The following CSMD1 variants were observed in gnomAD, a reference collection of about 807,000 sequenced individuals.
The protein encoded by CSMD1 is CUB and Sushi multiple domains 1, also known as CUB and sushi domain-containing protein 1.
In CSMD1, 213 loss-of-function variants were observed where a neutral mutation model predicts 417.5. That is an observed-to-expected ratio of 0.51 (90% CI 0.46 to 0.57). The LOEUF is 0.57. Ranked by LOEUF, CSMD1 falls within the 20% of genes least tolerant of loss-of-function variation. The probability of loss-of-function intolerance (pLI) is 0.00; values close to 1 mark genes in which losing one functional copy is unlikely to be tolerated. For synonymous variants in CSMD1, 2,862 were observed against 1,736.8 expected (o/e 1.65, Z -16.11); for missense variants, 6,923 against 4,529.7 (o/e 1.53, Z -15.17).
chr8:4,391,721 C>A (rs575011100), intron 3 of CSMD1, among the ~76,000 whole-genome samples: 1 of 152,262 alleles, frequency 6.6e-6, no homozygotes, highest in East Asian at 1.9e-4. Context: ...TGAAAAACCT[C>A]CAAGTGCAAT....
At chr8:3,594,999 C>G (rs1030363922) in intron 8 of CSMD1, among the ~76,000 whole-genome samples, 1 of 152,210 alleles carries the variant, frequency 6.6e-6, no homozygotes, top group Non-Finnish European at 1.5e-5. Context: ...AAAAACACAA[C>G]CCGGCCTCTG....
intron 25 of CSMD1, among the ~76,000 whole-genome samples, chr8:3,303,786 A>G (rs1804597117): frequency 6.6e-6 from 1 of 152,202 alleles, no homozygotes; most frequent in Non-Finnish European, 1.5e-5. Flanking sequence ...GAGAAATATT[A>G]CCAAATAACT....
At position 4,854,884 on chromosome 8, in the gene CSMD1, A is replaced by T. The variant is rs950375610; in HGVS notation, c.85+139448T>A. On this transcript the variant is annotated intron_variant, in intron 1 of 69. Coordinates refer to ENST00000635120, the MANE Select transcript of CSMD1 (RefSeq NM_033225.6). ...GCTTGCTTAGGTAAACAAAGCAGCC[A>T]GGAAGCTCGAACTGGGTGGAGCCCA... Among the ~76,000 whole-genome samples the T allele has an allele frequency of 3.9e-5, 6 of 152,238 alleles. No individual in the cohort carries two copies. The East Asian group carries it at 5.8e-4, about 15-fold the overall frequency.
intron 2 of CSMD1, among the ~76,000 whole-genome samples, chr8:4,467,674 A>C: frequency 6.6e-6 from 1 of 152,200 alleles, no homozygotes; most frequent in East Asian, 1.9e-4. Context: ...GAACCAAATC[A>C]AGGTGCAAAT....
chr8:4,391,547 G>A (rs1272039236), intron 3 of CSMD1, among the ~76,000 whole-genome samples: 1 of 152,078 alleles, frequency 6.6e-6, no homozygotes, highest in Non-Finnish European at 1.5e-5. Context: ...AACCAGCTCA[G>A]AGTAGGTAAG....
At chr8:3,140,349 G>C (rs73183545) in intron 41 of CSMD1, among the ~76,000 whole-genome samples, 190 of 150,048 alleles carry the variant, frequency 1.3e-3, no homozygotes, top group Middle Eastern at 3.4e-3. Context: ...CTCTCTCTCT[G>C]TCTCTCTCTC....
At chr8:3,648,003 G>C (rs1241042828) in intron 7 of CSMD1, among the ~76,000 whole-genome samples, 1 of 152,230 alleles carries the variant, frequency 6.6e-6, no homozygotes, top group Non-Finnish European at 1.5e-5. Flanking sequence ...AGGCAGAACA[G>C]ATTCTTATTT....
intron 1 of CSMD1, among the ~76,000 whole-genome samples, chr8:4,779,574 G>C (rs915182249): frequency 5.9e-5 from 9 of 152,198 alleles, no homozygotes; most frequent in Admixed American, 1.3e-4. Flanking sequence ...CGGATATCAT[G>C]TTTAGCTCAA....
intron 5 of CSMD1, among the ~76,000 whole-genome samples, chr8:3,754,420 G>T (rs1797538695): frequency 1.4e-5 from 2 of 141,942 alleles, no homozygotes; most frequent in African/African-American, 5.1e-5. Flanking sequence ...ACAATTTGAA[G>T]ACTTAGTAAT....
chr8:4,710,374 T>C (rs939076783), intron 1 of CSMD1, among the ~76,000 whole-genome samples: 12 of 148,568 alleles, frequency 8.1e-5, no homozygotes, highest in African/African-American at 2.9e-4. Context: ...AATAAACATA[T>C]GAAGTAAATA....
intron 11 of CSMD1, among the ~76,000 whole-genome samples, chr8:3,490,963 G>A (rs1200889774): frequency 6.6e-6 from 1 of 152,122 alleles, no homozygotes; most frequent in East Asian, 1.9e-4. Context: ...TTCCACTGAG[G>A]TTTATATAAA....
At chr8:4,975,845 A>C (rs147326738) in intron 1 of CSMD1, among the ~76,000 whole-genome samples, 50 of 152,284 alleles carry the variant, frequency 3.3e-4, no homozygotes, top group Non-Finnish European at 4.7e-4. Context: ...CCCAGCAGAT[A>C]CTACTTATGA....
In CSMD1 at chr8:4,380,047, A is replaced by G. The variant is rs1803002216; in HGVS notation, c.415+39906T>C. Among the ~76,000 whole-genome samples, 3 of 152,242 alleles carry G rather than the reference A, an allele frequency of 2.0e-5. No homozygotes were observed. In the South Asian group the frequency reaches 6.2e-4, roughly 31 times the overall value. On this transcript the variant is annotated intron_variant, in intron 3 of 69. Transcript: ENST00000635120. The stretch of plus-strand genomic sequence containing the variant: ...GGGTAGCCCAAGGTATAAATTAAAT[A>G]TCCATCAATCCATATGAAGATAAAT...
chr8:3,995,810 G>A (rs946813407), intron 5 of CSMD1, among the ~76,000 whole-genome samples: 5 of 152,176 alleles, frequency 3.3e-5, no homozygotes, highest in African/African-American at 1.2e-4. Flanking sequence ...GCTATTTGAA[G>A]AGAGCAGCTA....
intron 1 of CSMD1, among the ~76,000 whole-genome samples, chr8:4,775,944 G>C (rs1322268771): frequency 6.6e-6 from 1 of 152,252 alleles, no homozygotes; most frequent in Non-Finnish European, 1.5e-5. Flanking sequence ...AGTCAAGGCA[G>C]TTGGAGTCCA....
chr8:4,761,850 T>G (rs932054136), intron 1 of CSMD1, among the ~76,000 whole-genome samples: 1 of 68,460 alleles, frequency 1.5e-5, no homozygotes, highest in African/African-American at 4.9e-5. Context: ...TATCTATCTA[T>G]CTATCTATCT....
chr8:3,027,139 T>C (rs189337144), intron 51 of CSMD1, among the ~76,000 whole-genome samples: 76 of 152,176 alleles, frequency 5.0e-4, no homozygotes, highest in African/African-American at 1.8e-3. Flanking sequence ...AAAATATATA[T>C]AGTAGATATA....
At chr8:4,204,668 A>C (rs1799872772) in intron 3 of CSMD1, among the ~76,000 whole-genome samples, 1 of 152,168 alleles carries the variant, frequency 6.6e-6, no homozygotes, top group South Asian at 2.1e-4. Context: ...TATTAGTAGT[A>C]TTTTGAGACA....
intron 1 of CSMD1, among the ~76,000 whole-genome samples, chr8:4,925,927 T>G (rs539339392): frequency 1.3e-5 from 2 of 152,322 alleles, no homozygotes; most frequent in African/African-American, 4.8e-5. Flanking sequence ...CCCTGGTCAT[T>G]TGATGCATTT....
Sources: allele counts gnomAD v4.1 joint callset (sites outside exome capture counted in the v4.1 genomes callset), GRCh38; gene constraint gnomAD v4.1.1; transcripts MANE v1.5; gene names NCBI Gene and HGNC (gene_info 2026-07-23, HGNC 2026-07-21).